The following PTBP3 variants were observed in gnomAD, a reference collection of about 807,000 sequenced individuals.
The protein encoded by PTBP3 is polypyrimidine tract-binding protein 3.
In PTBP3, 20 loss-of-function variants were observed where a neutral mutation model predicts 58.7. That is an observed-to-expected ratio of 0.34 (90% CI 0.24 to 0.50). PTBP3 has a LOEUF of 0.50. Among genes scored for constraint, PTBP3 ranks in the 20% least tolerant of loss-of-function variants. PTBP3 has a pLI of 0.98. For synonymous variants in PTBP3, 185 were observed against 219.8 expected, an observed-to-expected ratio of 0.84 and a Z score of 1.40; for missense variants, 509 against 637.2, an observed-to-expected ratio of 0.80 and a Z score of 2.17.
chr9:112,265,274 G>A (rs996300912), intron 4 of PTBP3, among the ~76,000 whole-genome samples: 21 of 152,004 alleles, frequency 1.4e-4, no homozygotes, highest in Admixed American at 1.2e-3. Context: ...AGACAGAGGC[G>A]GGTGGATCAC....
rs552178613 is a variant in PTBP3, at chr9:112,236,829, C to T, written c.803-1932G>A. The stretch of plus-strand genomic sequence containing the variant: ...CTCCCTTATTCTCGACTCTCTGCCC[C>T]AAGAATGCCATGTCTCAAAAAGGAG... On this transcript the variant is annotated intron_variant, in intron 7 of 13. Coordinates refer to ENST00000374257, the MANE Select transcript of PTBP3 (RefSeq NM_001163788.4). 2.5e-3 allele frequency among the ~76,000 whole-genome samples: 387 copies of T among 152,194 alleles called. 2 individuals carry two copies. Among genetic ancestry groups the T allele is most frequent in the African/African-American group, 8.9e-3 (370 of 41,538 alleles).
chr9:112,247,927 ATATAT>A (rs778190861), intron 7 of PTBP3, among the ~76,000 whole-genome samples: 41 of 152,190 alleles, frequency 2.7e-4, no homozygotes, highest in Non-Finnish European at 5.4e-4. Flanking sequence ...TAGGTAGTGT[ATATAT>A]TATATATGTA....
the PTBP3 span, among the ~76,000 whole-genome samples, chr9:112,359,069 C>G: frequency 1.3e-5 from 2 of 152,270 alleles, no homozygotes; most frequent in East Asian, 3.9e-4. Context: ...CGCCAGGACT[C>G]AGGGAATCTC....
rs1180757193 is a variant in PTBP3, at chr9:112,223,856, T to C, written c.1570A>G (p.Ile524Val). ...GAGAAAAATTCACAGAAAAGTCAGA[T>C]TGTAGATTTTGAGAAGGAAACTCTG... The part of the protein sequence containing the change: ...HLRVSFSKST[I>V] Residue 524 changes from isoleucine (I) to valine (V), a missense_variant, in exon 14 of 14, where the codon ATC becomes GTC. Around this residue, in one of 4 missense-constraint regions of PTBP3, gnomAD observed 135 missense variants for 229.0 expected, o/e 0.59. Coordinates refer to ENST00000374257, the MANE Select transcript of PTBP3 (RefSeq NM_001163788.4). 9.3e-6 allele frequency: 15 copies of C among 1,613,254 alleles called. No individual in the cohort carries two copies. The East Asian group carries it at 2.7e-4, about 29-fold the overall frequency.
At chr9:112,339,667 G>A in the PTBP3 span, among the ~76,000 whole-genome samples, 125 of 151,118 alleles carry the variant, frequency 8.3e-4, no homozygotes, top group African/African-American at 2.8e-3. Context: ...AGGTTCAAGC[G>A]ATTCTCCTGC....
At chr9:112,351,316 T>G in the PTBP3 span, among the ~76,000 whole-genome samples, 2 of 152,200 alleles carry the variant, frequency 1.3e-5, no homozygotes, top group Non-Finnish European at 2.9e-5. Flanking sequence ...AAGTGGAACT[T>G]GTTTTTCTCA....
chr9:112,243,148 C>T (rs201918666), intron 7 of PTBP3, among the ~76,000 whole-genome samples: 1 of 106,268 alleles, frequency 9.4e-6, no homozygotes, highest in Non-Finnish European at 2.0e-5. Flanking sequence ...AAAAAAAAAA[C>T]AGTTTTCAGC....
rs375581261 is a variant in PTBP3 at position 112,221,030 on chromosome 9, C to T, written c.*2821G>A. ...CTTTTTTTTACAAAAACTATGCCAACACAAATACTGTAGACCTCTATAATT... is the reference window on the plus strand; with the variant it reads ...CTTTTTTTTACAAAAACTATGCCAATACAAATACTGTAGACCTCTATAATT... On this transcript the variant is annotated 3_prime_UTR_variant, in exon 14 of 14. Transcript: ENST00000374257. 1.1e-3 allele frequency: 1,065 copies of T among 978,508 alleles called. 1 individual carries two copies. In the Middle Eastern group the frequency reaches 0.012, roughly 11 times the overall value. 60.6% of individuals were successfully genotyped at this position (978,508 alleles called of 1,614,324 possible). A position where few individuals can be genotyped will look rare whatever the true frequency, so the allele number is the denominator to read the frequency against.
At chr9:112,244,183 G>A (rs1478974145) in intron 7 of PTBP3, among the ~76,000 whole-genome samples, 4 of 149,256 alleles carry the variant, frequency 2.7e-5, no homozygotes, top group South Asian at 2.1e-4. Flanking sequence ...TCCCAGCTTC[G>A]GGAGGCTGAG....
chr9:112,366,957 C>T, the PTBP3 span, among the ~76,000 whole-genome samples: 1 of 152,224 alleles, frequency 6.6e-6, no homozygotes, highest in Non-Finnish European at 1.5e-5. Context: ...CTTGCATCAG[C>T]ATGGCCTGGA....
At chr9:112,235,839 C>T (rs1835418602) in intron 7 of PTBP3, among the ~76,000 whole-genome samples, 1 of 151,878 alleles carries the variant, frequency 6.6e-6, no homozygotes, top group Admixed American at 6.6e-5. Context: ...AGGGAATATC[C>T]TACAGAAAAG....
chr9:112,227,617 A>T lies in PTBP3; in HGVS notation c.1158T>A (p.His386Gln). The T allele has an allele frequency of 6.2e-7, 1 of 1,613,836 alleles. No individual in the cohort carries two copies. Among genetic ancestry groups the T allele is most frequent in the Non-Finnish European group, 8.5e-7 (1 of 1,179,820 alleles). The change falls in exon 12 of 14, where the codon CAT becomes CAA. Residue 386 changes from histidine (H) to glutamine (Q), a missense_variant. Coordinates refer to ENST00000374257, the MANE Select transcript of PTBP3 (RefSeq NM_001163788.4). Reference protein sequence around the residue: ...DANQAQLAMNHLSGQRLYGKV... With the variant: ...DANQAQLAMNQLSGQRLYGKV... ...TCCCATAAAGTCTCTGACCACTTAGATGGTTCATTGCTAGTGCATGGGAAG... is the reference window on the plus strand; with the variant it reads ...TCCCATAAAGTCTCTGACCACTTAGTTGGTTCATTGCTAGTGCATGGGAAG...
intron 1 of PTBP3, among the ~76,000 whole-genome samples, chr9:112,310,969 C>G (rs1489449307): frequency 6.6e-6 from 1 of 152,236 alleles, no homozygotes; most frequent in Non-Finnish European, 1.5e-5. Context: ...TGTGTCATAG[C>G]ATGCAGGGCC....
intron 2 of PTBP3, among the ~76,000 whole-genome samples, chr9:112,286,520 C>T (rs1289261939): frequency 2.0e-5 from 3 of 152,220 alleles, no homozygotes; most frequent in Non-Finnish European, 4.4e-5. Context: ...AGAGTACCTT[C>T]AAATAATATT....
intron 12 of PTBP3, among the ~76,000 whole-genome samples, chr9:112,225,142 T>C (rs1300296962): frequency 1.3e-5 from 2 of 152,186 alleles, no homozygotes; most frequent in African/African-American, 4.8e-5. Context: ...AATATAGTGG[T>C]CTATCACGTG....
intron 3 of PTBP3, among the ~76,000 whole-genome samples, chr9:112,273,174 C>A (rs1191074608): frequency 2.6e-5 from 4 of 152,084 alleles, no homozygotes; most frequent in African/African-American, 7.2e-5. Flanking sequence ...ACAAATCAAC[C>A]CACAATAAAC....
chr9:112,359,806 C>T, the PTBP3 span, among the ~76,000 whole-genome samples: 3 of 150,460 alleles, frequency 2.0e-5, no homozygotes, highest in South Asian at 4.2e-4. Context: ...GGTGACAGGG[C>T]GAGACTCCAT....
At chr9:112,321,775 A>G (rs1829960752) in intron 1 of PTBP3, among the ~76,000 whole-genome samples, 1 of 151,990 alleles carries the variant, frequency 6.6e-6, no homozygotes, top group Non-Finnish European at 1.5e-5. Flanking sequence ...CAAGTAAGAA[A>G]CCCTCAGAGC....
chr9:112,315,133 C>T (rs1829652289), intron 1 of PTBP3, among the ~76,000 whole-genome samples: 1 of 152,024 alleles, frequency 6.6e-6, no homozygotes, highest in African/African-American at 2.4e-5. Flanking sequence ...CCCCGGCCCC[C>T]ACTGACATTT....
Sources: allele counts gnomAD v4.1 joint callset (sites outside exome capture counted in the v4.1 genomes callset), GRCh38; gene constraint gnomAD v4.1.1; regional missense constraint gnomAD v4.1.1; transcripts MANE v1.5; gene names NCBI Gene and HGNC (gene_info 2026-07-23, HGNC 2026-07-21).